The following EEFSEC variants were observed in gnomAD, a reference collection of about 807,000 sequenced individuals.
EEFSEC encodes the protein eukaryotic elongation factor, selenocysteine-tRNA specific, also known as selenocysteine-specific elongation factor.
EEFSEC carries 43 observed loss-of-function variants against 42.1 expected under a neutral mutation model. That is an observed-to-expected ratio of 1.02 (90% CI 0.80 to 1.32). The LOEUF (loss-of-function observed/expected upper bound fraction) is 1.32, where lower values mean the gene tolerates loss of function less well. EEFSEC is among the 40% of genes most tolerant of loss of function. The pLI, the probability that EEFSEC is intolerant of heterozygous loss-of-function variation, is 0.00. For synonymous variants in EEFSEC, 354 were observed against 339.1 expected (o/e 1.04, Z -0.48); for missense variants, 745 against 803.6 (o/e 0.93, Z 0.88).
intron 1 of EEFSEC, among the ~76,000 whole-genome samples, chr3:128,212,851 G>A (rs543909118): frequency 1.1e-4 from 16 of 152,278 alleles, no homozygotes; most frequent in South Asian, 8.3e-4. Context: ...AGTTCAAGCC[G>A]GCCACCAGCC....
intron 6 of EEFSEC, among the ~76,000 whole-genome samples, chr3:128,400,359 A>G (rs2068034834): frequency 6.6e-6 from 1 of 152,102 alleles, no homozygotes; most frequent in Non-Finnish European, 1.5e-5. Flanking sequence ...TCCTGTTCCT[A>G]GGGCCCAGTA....
At chr3:128,247,408 G>A (rs767652654) in intron 2 of EEFSEC, among the ~76,000 whole-genome samples, 8 of 152,142 alleles carry the variant, frequency 5.3e-5, no homozygotes, top group Non-Finnish European at 1.0e-4. Flanking sequence ...ACTTAGTCCC[G>A]CCTACATATA....
At chr3:128,255,136 C>T (rs1463184871) in intron 2 of EEFSEC, among the ~76,000 whole-genome samples, 3 of 151,960 alleles carry the variant, frequency 2.0e-5, no homozygotes, top group South Asian at 2.1e-4. Flanking sequence ...GCTGGGGATG[C>T]GGTTTGGGAG....
chr3:128,366,603 C>G (rs767925201), intron 6 of EEFSEC, among the ~76,000 whole-genome samples: 7 of 152,244 alleles, frequency 4.6e-5, no homozygotes, highest in Non-Finnish European at 1.0e-4. Flanking sequence ...TGGCCTCACA[C>G]AGTCACTCTG....
chr3:128,282,828 G>A (rs2107969317), intron 4 of EEFSEC, among the ~76,000 whole-genome samples: 1 of 152,360 alleles, frequency 6.6e-6, no homozygotes, highest in Non-Finnish European at 1.5e-5. Flanking sequence ...CTCTGGCCTG[G>A]CTTCCTTCTC....
chr3:128,386,708 A>G (rs2093409083), intron 6 of EEFSEC, among the ~76,000 whole-genome samples: 1 of 152,184 alleles, frequency 6.6e-6, no homozygotes, highest in African/African-American at 2.4e-5. Context: ...TCATTGTGGA[A>G]GGCAAAGGGG....
At chr3:128,419,120 CACA>C in the EEFSEC span, among the ~76,000 whole-genome samples, 2 of 152,190 alleles carry the variant, frequency 1.3e-5, no homozygotes, top group Non-Finnish European at 2.9e-5. Flanking sequence ...GTGGACTTCA[CACA>C]ACAACTCTGG....
chr3:128,195,030 TCCTCCTCCCACCCCTCC>T (rs2065569435), intron 1 of EEFSEC, among the ~76,000 whole-genome samples: 2 of 152,172 alleles, frequency 1.3e-5, no homozygotes, highest in Non-Finnish European at 2.9e-5. Context: ...GCTGCTTTTC[TCCTCCTCCCACCCCTCC>T]CCTTCTCCCA....
intron 1 of EEFSEC, among the ~76,000 whole-genome samples, chr3:128,156,781 G>C (rs1944388139): frequency 6.6e-6 from 1 of 152,124 alleles, no homozygotes; most frequent in Non-Finnish European, 1.5e-5. Flanking sequence ...CTACCTACTG[G>C]CTTTTTCCCT....
chr3:128,278,595 C>T (rs981244836), intron 4 of EEFSEC, among the ~76,000 whole-genome samples: 1 of 152,258 alleles, frequency 6.6e-6, no homozygotes, highest in East Asian at 1.9e-4. Context: ...CTGTTGGTGG[C>T]TCCAACCTTG....
chr3:128,235,004 A>G (rs1374413002), intron 1 of EEFSEC, among the ~76,000 whole-genome samples: 1 of 152,142 alleles, frequency 6.6e-6, no homozygotes, highest in East Asian at 1.9e-4. Flanking sequence ...CTTTTCACTT[A>G]TGGTAAATTA....
chr3:128,300,536 T>C (rs1259345546), intron 4 of EEFSEC, among the ~76,000 whole-genome samples: 15 of 108,240 alleles, frequency 1.4e-4, no homozygotes, highest in African/African-American at 5.6e-4. Context: ...AGCAAGACTC[T>C]GTCTGAAAAA....
At position 128,317,795 on chromosome 3, in the gene EEFSEC, T is replaced by G. The variant is rs923762456; in HGVS notation, c.787-23438T>G. The stretch of plus-strand genomic sequence containing the variant: ...GCAGGCCTCAGGGCCTTTGCCCCCT[T>G]CAGCCTTCTGCTCCAGCTGCTCCGT... On this transcript the variant is annotated intron_variant, in intron 4 of 6. Coordinates refer to ENST00000254730, the MANE Select transcript of EEFSEC (RefSeq NM_021937.5). This position sits in a 1 kb window ranked among gnomAD's most constrained non-coding sequence, Gnocchi z 4.1. Among the ~76,000 whole-genome samples, 2 of 152,238 alleles carry G rather than the reference T, an allele frequency of 1.3e-5. No individual in the cohort carries two copies. The highest frequency in any genetic ancestry group is 2.9e-5 in the Non-Finnish European group (2 of 68,038).
chr3:128,158,121 T>C (rs1944411189), intron 1 of EEFSEC, among the ~76,000 whole-genome samples: 1 of 152,182 alleles, frequency 6.6e-6, no homozygotes, highest in African/African-American at 2.4e-5. Context: ...GTGGTAGAAA[T>C]AGCAAGAGAG....
In EEFSEC at chr3:128,388,177, A is replaced by T. The variant is rs7373685; in HGVS notation, c.1601-19892A>T. Among the ~76,000 whole-genome samples the T allele has an allele frequency of 3.9e-5, 6 of 152,036 alleles. No homozygotes were observed. The East Asian group carries it at 1.2e-3, about 29-fold the overall frequency. On this transcript the variant is annotated intron_variant, in intron 6 of 6. Transcript: ENST00000254730. ...CTCTTTCCATTGCTCCCGCTCTTAGAGTCTTCCTTTTTTTAATATCCAATT... is the reference window on the plus strand; with the variant it reads ...CTCTTTCCATTGCTCCCGCTCTTAGTGTCTTCCTTTTTTTAATATCCAATT...
intron 4 of EEFSEC, among the ~76,000 whole-genome samples, chr3:128,320,161 A>G (rs2066991474): frequency 1.3e-5 from 2 of 152,186 alleles, no homozygotes; most frequent in African/African-American, 4.8e-5. Context: ...CAAAGCCTAA[A>G]CTGCTTACTG....
the EEFSEC span, among the ~76,000 whole-genome samples, chr3:128,418,731 C>T: frequency 6.6e-6 from 1 of 152,122 alleles, no homozygotes; most frequent in Admixed American, 6.5e-5. Context: ...GGCCGGGGTG[C>T]CCTGACTCTG....
intron 1 of EEFSEC, among the ~76,000 whole-genome samples, chr3:128,233,182 G>C (rs2065975973): frequency 6.6e-6 from 1 of 152,166 alleles, no homozygotes; most frequent in Non-Finnish European, 1.5e-5. Flanking sequence ...GTGAGTTCCA[G>C]GCTCAGTGCT....
chr3:128,328,939 T>A (rs929081689), intron 4 of EEFSEC, among the ~76,000 whole-genome samples: 2 of 152,086 alleles, frequency 1.3e-5, no homozygotes, highest in African/African-American at 4.8e-5. Context: ...GGGATTTGGG[T>A]TTGGAATAGG....
Sources: gnomAD v4.1 joint callset for allele counts (sites outside exome capture counted in the v4.1 genomes callset) on GRCh38, gnomAD v4.1.1 for gene constraint, Gnocchi (gnomAD v3.1) non-coding constraint, MANE v1.5 for transcripts, NCBI Gene and HGNC (gene_info 2026-07-23, HGNC 2026-07-21) for gene names.